Variants in CMPK1 observed in about 807,000 individuals in gnomAD.
The protein encoded by CMPK1 is cytidine/uridine monophosphate kinase 1, also known as UMP-CMP kinase.
CMPK1 carries 10 observed loss-of-function variants against 25.7 expected under a neutral mutation model. That is an observed-to-expected ratio of 0.39 (90% confidence interval 0.24 to 0.66). CMPK1 has a LOEUF of 0.66. CMPK1 is among the 30% of genes least tolerant of loss of function. The pLI, the probability that CMPK1 is intolerant of heterozygous loss-of-function variation, is 0.48. For missense variants in CMPK1, 199 were observed against 280.5 expected (o/e 0.71, Z 2.08); for synonymous variants, 106 against 101.5 (o/e 1.04, Z -0.27).
At chr1:47,345,798 C>G (rs1249602586) in intron 1 of CMPK1, among the ~76,000 whole-genome samples, 1 of 151,024 alleles carries the variant, frequency 6.6e-6, no homozygotes, top group Non-Finnish European at 1.5e-5. Context: ...TCTTGTTGTC[C>G]AGGCTGGAGT....
chr1:47,373,205 A>G (rs1646688163), intron 3 of CMPK1, 98 bp downstream of exon 3: 2 of 1,153,268 alleles, frequency 1.7e-6, no homozygotes, highest in African/African-American at 3.1e-5. Context: ...TTATATTGGC[A>G]GCAGTGTTTT....
chr1:47,339,532 A>C (rs980799749), intron 1 of CMPK1, among the ~76,000 whole-genome samples: 2 of 152,078 alleles, frequency 1.3e-5, no homozygotes, highest in Non-Finnish European at 2.9e-5. Flanking sequence ...CACTTATTGA[A>C]TTATAAGTTG....
intron 1 of CMPK1, among the ~76,000 whole-genome samples, chr1:47,348,150 A>G (rs1570358727): frequency 6.6e-6 from 1 of 152,216 alleles, no homozygotes; most frequent in East Asian, 1.9e-4. Flanking sequence ...ATTGAAATCC[A>G]GAGGATTAGA....
chr1:47,338,789 T>C (rs1202762484), intron 1 of CMPK1, among the ~76,000 whole-genome samples: 1 of 152,056 alleles, frequency 6.6e-6, no homozygotes, highest in Non-Finnish European at 1.5e-5. Context: ...ATAATTTAGT[T>C]ATAAAATCAT....
At chr1:47,340,343 CACAGGCTAGTCTCAA>C (rs539452815) in intron 1 of CMPK1, among the ~76,000 whole-genome samples, 20 of 151,732 alleles carry the variant, frequency 1.3e-4, no homozygotes, top group Admixed American at 1.2e-3. Flanking sequence ...CCCTATGTTG[CACAGGCTAGTCTCAA>C]ACTCCTGGAT....
At chr1:47,350,865 G>A (rs1254490334) in intron 1 of CMPK1, among the ~76,000 whole-genome samples, 4 of 150,524 alleles carry the variant, frequency 2.7e-5, no homozygotes, top group East Asian at 4.0e-4. Flanking sequence ...CCGAGATCAC[G>A]CCACTGCACT....
At position 47,354,195 on chromosome 1, in the gene CMPK1, A is replaced by G. The variant is rs181343073; in HGVS notation, c.172-14274A>G. 2.7e-3 allele frequency among the ~76,000 whole-genome samples: 408 copies of G among 152,106 alleles called. 3 individuals are homozygous for G. The highest frequency in any genetic ancestry group is 9.0e-3 in the African/African-American group (375 of 41,500). ...AAAATGAAAAAATTAGCCAGGCATG[A>G]TGGCATGCTCGTAGTCCCAGCTACT... On this transcript the variant is annotated intron_variant, in intron 1 of 5. Coordinates refer to ENST00000371873, the MANE Select transcript of CMPK1 (RefSeq NM_016308.3).
intron 1 of CMPK1, among the ~76,000 whole-genome samples, chr1:47,337,759 C>T (rs1027120182): frequency 3.3e-5 from 5 of 151,808 alleles, no homozygotes; most frequent in South Asian, 2.1e-4. Flanking sequence ...ACTACAGGTG[C>T]GCGCCACCAT....
At chr1:47,348,002 T>TA (rs1646496773) in intron 1 of CMPK1, among the ~76,000 whole-genome samples, 1 of 152,192 alleles carries the variant, frequency 6.6e-6, no homozygotes, top group Admixed American at 6.5e-5. Flanking sequence ...GTGTTTCCTT[T>TA]AAAAAATTAA....
chr1:47,346,822 C>A (rs901561942), intron 1 of CMPK1, among the ~76,000 whole-genome samples: 1 of 150,262 alleles, frequency 6.7e-6, no homozygotes, highest in African/African-American at 2.5e-5. Flanking sequence ...GCCTTCCTCT[C>A]CCCCTCCCCA....
Position 47,371,051 on chromosome 1 carries a change from A to G in CMPK1, c.319-1904A>G, listed in dbSNP as rs1394778153. Among the ~76,000 whole-genome samples, 4 of 152,294 alleles carry G rather than the reference A, an allele frequency of 2.6e-5. No homozygotes were observed. The East Asian group carries it at 7.7e-4, about 29-fold the overall frequency. The stretch of plus-strand genomic sequence containing the variant: ...CTTCATTCTAGATTCCTAGAACTAT[A>G]ATCATTAACAGGTATTTTCACATAG... On this transcript the variant is annotated intron_variant, in intron 2 of 5. Transcript: ENST00000371873.
chr1:47,374,790 A>G, intron 3 of CMPK1, 119 bp from the exon 4 acceptor site: 1 of 632,858 alleles, frequency 1.6e-6, no homozygotes, highest in Non-Finnish European at 2.7e-6. Flanking sequence ...AATGAATTAG[A>G]CACATTGGGT....
chr1:47,334,277 G>A (rs1404473659), intron 1 of CMPK1, among the ~76,000 whole-genome samples, 161 bp downstream of exon 1: 3 of 151,676 alleles, frequency 2.0e-5, no homozygotes, highest in African/African-American at 7.3e-5. Context: ...GGCCGCCGGC[G>A]CGCGGCGTGC....
In CMPK1 at chr1:47,359,051, G is replaced by T. The variant is rs369842592; in HGVS notation, c.172-9418G>T. ...AAAGAAGTACAGGCCAGGCGCGGTG[G>T]CTCACACCTGTAATCCGTGCACTTT... On this transcript the variant is annotated intron_variant, in intron 1 of 5. Transcript: ENST00000371873. 3.9e-5 allele frequency among the ~76,000 whole-genome samples: 6 copies of T among 152,110 alleles called. No homozygotes were observed. In the South Asian group the frequency reaches 1.2e-3, roughly 32 times the overall value.
At chr1:47,359,006 A>G (rs911300709) in intron 1 of CMPK1, 1 of 932,932 alleles carries the variant, frequency 1.1e-6, no homozygotes, top group Admixed American at 6.2e-5. Context: ...TTTTAATGTT[A>G]TTTACCTTTT....
At chr1:47,373,360 ATTGAC>A (rs964680543) in intron 3 of CMPK1, 1 of 271,996 alleles carries the variant, frequency 3.7e-6, no homozygotes, top group African/African-American at 2.2e-5. Context: ...AAAAATAAGA[ATTGAC>A]ATACATAATA....
intron 1 of CMPK1, among the ~76,000 whole-genome samples, chr1:47,358,079 T>C (rs1255682256): frequency 1.3e-5 from 2 of 149,946 alleles, no homozygotes; most frequent in African/African-American, 2.4e-5. Context: ...TTCTCTGACC[T>C]ATCTTGAGTG....
rs1646527983 is a variant in CMPK1 at position 47,352,268 on chromosome 1, C to G, written c.172-16201C>G. Among the ~76,000 whole-genome samples the G allele has an allele frequency of 1.3e-5, 2 of 152,146 alleles. 1 individual carries two copies. Among genetic ancestry groups the G allele is most frequent in the African/African-American group, 4.8e-5 (2 of 41,432 alleles). On this transcript the variant is annotated intron_variant, in intron 1 of 5. Coordinates refer to ENST00000371873, the MANE Select transcript of CMPK1 (RefSeq NM_016308.3). ...ATGTATGATTTATAAACATTTTCTC[C>G]CATCCTGTGGGCTGTCTTTTATTTT...
chr1:47,350,707 A>G (rs973502037), intron 1 of CMPK1, among the ~76,000 whole-genome samples: 3 of 152,098 alleles, frequency 2.0e-5, no homozygotes, highest in Admixed American at 2.0e-4. Context: ...AGCCTGATCA[A>G]CATGGTGAAA....
Sources: gnomAD v4.1 joint callset for allele counts (sites outside exome capture counted in the v4.1 genomes callset) on GRCh38, gnomAD v4.1.1 for gene constraint, MANE v1.5 for transcripts, NCBI Gene and HGNC (gene_info 2026-07-23, HGNC 2026-07-21) for gene names.